The following ITK variants were observed in gnomAD, a reference collection of about 807,000 sequenced individuals.
ITK encodes tyrosine-protein kinase ITK/TSK.
ITK carries 45 observed loss-of-function variants against 87.6 expected under a neutral mutation model. The observed-to-expected ratio is 0.51, with a 90% CI of 0.40 to 0.66. The LOEUF is 0.66. Ranked by LOEUF, ITK falls within the 30% of genes least tolerant of loss-of-function variation. The pLI is 0.00. For missense variants in ITK, 605 were observed against 766.3 expected (o/e 0.79, Z 2.48); for synonymous variants, 303 against 273.6 (o/e 1.11, Z -1.06).
At chr5:157,240,601 G>C in intron 10 of ITK, 1 of 272,674 alleles carries the variant, frequency 3.7e-6, no homozygotes, top group East Asian at 9.0e-5. Context: ...GGTTTAATTG[G>C]TCCATGGTTG....
intron 1 of ITK, among the ~76,000 whole-genome samples, chr5:157,196,325 A>G (rs1753854870): frequency 6.6e-6 from 1 of 152,196 alleles, no homozygotes; most frequent in Admixed American, 6.5e-5. Context: ...AAAACCTCAC[A>G]AACACCATTA....
At chr5:157,248,794 T>G (rs561017028) in intron 15 of ITK, 56 bp from the exon 16 acceptor site, 56 of 1,606,576 alleles carry the variant, frequency 3.5e-5, no homozygotes, top group African/African-American at 1.9e-4. Context: ...CAGGTTGGTT[T>G]GTTTGCTGTC....
In ITK at chr5:157,222,601, T is replaced by C. The variant is rs78812469; in HGVS notation, c.496-262T>C. On this transcript the variant is annotated intron_variant, in intron 5 of 16. Coordinates refer to ENST00000422843, the MANE Select transcript of ITK (RefSeq NM_005546.4). Reference sequence around the variant, plus strand: ...AGAGAGGCTGCTGCATATAACATAGTGCAGATAGAGAAACCAGCAGACTTT... The same window carrying C: ...AGAGAGGCTGCTGCATATAACATAGCGCAGATAGAGAAACCAGCAGACTTT... 161 of 508,810 alleles carry C rather than the reference T, an allele frequency of 3.2e-4. 1 individual carries two copies. The East Asian group carries it at 5.6e-3, about 18-fold the overall frequency. 31.5% of individuals were successfully genotyped at this position (508,810 alleles called of 1,614,324 possible).
chr5:157,247,071 G>C (rs1755032693), intron 15 of ITK, among the ~76,000 whole-genome samples: 1 of 152,186 alleles, frequency 6.6e-6, no homozygotes, highest in East Asian at 1.9e-4. Flanking sequence ...ACTACTTGAA[G>C]ATTGATTTTT....
chr5:157,201,441 A>G (rs1753973169), intron 1 of ITK, among the ~76,000 whole-genome samples: 2 of 151,768 alleles, frequency 1.3e-5, no homozygotes, highest in South Asian at 4.2e-4. Flanking sequence ...GGGATTACAG[A>G]TGCGTACCAC....
At chr5:157,186,964 C>T (rs1580872421) in intron 1 of ITK, among the ~76,000 whole-genome samples, 1 of 152,240 alleles carries the variant, frequency 6.6e-6, no homozygotes, top group African/African-American at 2.4e-5. Flanking sequence ...CGGCTCTCCC[C>T]ATTGCCCTAA....
At chr5:157,241,281 A>G (rs944291317) in intron 10 of ITK, 1 of 172,834 alleles carries the variant, frequency 5.8e-6, no homozygotes, top group East Asian at 1.7e-4. Context: ...ACAAACATCC[A>G]AACTATATCA....
chr5:157,248,836 A>G lies in ITK; in HGVS notation c.1634-14A>G. 1 of 1,613,904 alleles carries G rather than the reference A, an allele frequency of 6.2e-7. No homozygotes were observed. ...CTTTGTCATTCACTGTGCTGTGCTC[A>G]CCATTTCTTGTAGGTGTGCTGATGT... On this transcript the variant is annotated splice_polypyrimidine_tract_variant and intron_variant, in intron 15 of 16. Coordinates refer to ENST00000422843, the MANE Select transcript of ITK (RefSeq NM_005546.4).
chr5:157,240,164 T>C lies in ITK; in HGVS notation c.954T>C (p.Leu318=), dbSNP rs751812748. ...AEKYVFDSIP[L]LINYHQHNGG... Reference sequence around the variant, plus strand: ...AGTATGTGTTCGATTCCATCCCTCTTCTCATCAACTATCACCAACATAATG... The same window carrying C: ...AGTATGTGTTCGATTCCATCCCTCTCCTCATCAACTATCACCAACATAATG... The change falls in exon 10 of 17, where the codon CTT becomes CTC. Residue 318 remains leucine (L), a synonymous_variant. Coordinates refer to ENST00000422843, the MANE Select transcript of ITK (RefSeq NM_005546.4). 1 of 1,614,120 alleles carries C rather than the reference T, an allele frequency of 6.2e-7. No homozygotes were observed. Among genetic ancestry groups the C allele is most frequent in the Admixed American group, 1.7e-5 (1 of 60,020 alleles).
In ITK at chr5:157,238,127, A is replaced by T; in HGVS notation, c.787A>T (p.Met263Leu). ...LLDTGKEGAF[M>L]VRDSRTAGTY... The stretch of plus-strand genomic sequence containing the variant: ...ATTCCAGGGCAAAGAAGGAGCCTTC[A>T]TGGTAAGGGATTCCAGGACTGCAGG... The change falls in exon 9 of 17, where the codon ATG (methionine) becomes TTG (leucine). Residue 263 changes from methionine to leucine, a missense_variant. By Grantham distance (15) the Met-to-Leu change is conservative. This residue lies in a region of ITK where 464 missense variants were observed against 578.0 expected (regional missense o/e 0.80). Transcript: ENST00000422843. The T allele has an allele frequency of 1.2e-6, 2 of 1,613,776 alleles. No homozygotes were observed. Among genetic ancestry groups the T allele is most frequent in the Non-Finnish European group, 1.7e-6 (2 of 1,179,692 alleles).
intron 15 of ITK, among the ~76,000 whole-genome samples, chr5:157,247,967 T>C (rs550586321): frequency 1.4e-4 from 22 of 152,350 alleles, no homozygotes; most frequent in African/African-American, 5.3e-4. Context: ...CTTGGGGTGA[T>C]AAGCATTCTT....
intron 1 of ITK, among the ~76,000 whole-genome samples, chr5:157,183,474 A>C (rs1432245547): frequency 2.0e-5 from 3 of 152,240 alleles, no homozygotes; most frequent in African/African-American, 7.2e-5. Flanking sequence ...AGTTTCAAAC[A>C]ATTCAACTTA....
Position 157,241,628 on chromosome 5 carries a change from G to A in ITK, c.986-18G>A, listed in dbSNP as rs754346022. 2 of 1,605,592 alleles carry A rather than the reference G, an allele frequency of 1.2e-6. No homozygotes were observed. Among genetic ancestry groups the A allele is most frequent in the East Asian group, 2.2e-5 (1 of 44,826 alleles). ...GCAAAGCCCTAACCACTGCTTCTTG[G>A]CTTTTCAATCAACCCAGGCCTGGTG... On this transcript the variant is annotated intron_variant, in intron 10 of 16. Transcript: ENST00000422843.
chr5:157,229,358 A>G (rs1213956577), intron 7 of ITK, among the ~76,000 whole-genome samples: 1 of 152,192 alleles, frequency 6.6e-6, no homozygotes, highest in African/African-American at 2.4e-5. Context: ...GAAACAGTCA[A>G]TCCAAATGCA....
intron 6 of ITK, among the ~76,000 whole-genome samples, chr5:157,224,860 T>A (rs1754500383): frequency 1.3e-5 from 2 of 152,194 alleles, no homozygotes; most frequent in Admixed American, 1.3e-4. Flanking sequence ...TCCTTTATGG[T>A]GAGACATTTA....
rs776618447 is a variant in ITK, at chr5:157,222,974, A to G, written c.607A>G (p.Ser203Gly). Residue 203 changes from serine (S) to glycine (G), a missense_variant, in exon 6 of 17, where the codon AGT becomes GGT. This residue lies in a region of ITK where 464 missense variants were observed against 578.0 expected (regional missense o/e 0.80). Coordinates refer to ENST00000422843, the MANE Select transcript of ITK (RefSeq NM_005546.4). Reference protein sequence around the residue: ...RRNEEYCLLDSSEIHWWRVQD... With the variant: ...RRNEEYCLLDGSEIHWWRVQD... Reference sequence around the variant, plus strand: ...CAACGAAGAGTACTGCCTGCTGGACAGTTCTGAGATTCACTGGTGGAGAGT... The same window carrying G: ...CAACGAAGAGTACTGCCTGCTGGACGGTTCTGAGATTCACTGGTGGAGAGT... 2.5e-6 allele frequency: 4 copies of G among 1,614,150 alleles called. No homozygotes were observed. The highest frequency in any genetic ancestry group is 2.5e-6 in the Non-Finnish European group (3 of 1,180,020).
At chr5:157,243,858 A>G in intron 12 of ITK, 64 bp downstream of exon 12, 1 of 1,503,510 alleles carries the variant, frequency 6.7e-7, no homozygotes, top group Non-Finnish European at 9.3e-7. Context: ...TGTTCTTGAA[A>G]TGCCATTCAA....
intron 1 of ITK, among the ~76,000 whole-genome samples, chr5:157,201,042 T>A (rs1300574516): frequency 6.6e-6 from 1 of 152,124 alleles, no homozygotes; most frequent in Non-Finnish European, 1.5e-5. Flanking sequence ...AAATGCAATG[T>A]TGGCTCACTA....
At position 157,180,969 on chromosome 5, in the gene ITK, A is replaced by T; in HGVS notation, c.-9A>T. The T allele has an allele frequency of 6.2e-7, 1 of 1,613,796 alleles. No individual in the cohort carries two copies. ...TGCCCAAGGTGCACCACCTTTCAAG[A>T]ACTGGATCATGAACAACTTTATCCT... On this transcript the variant is annotated 5_prime_UTR_variant, in exon 1 of 17. Transcript: ENST00000422843.
Sources: gnomAD v4.1 joint callset for allele counts (sites outside exome capture counted in the v4.1 genomes callset) on GRCh38, gnomAD v4.1.1 for gene constraint, gnomAD v4.1.1 regional missense constraint, MANE v1.5 for transcripts, NCBI Gene and HGNC (gene_info 2026-07-23, HGNC 2026-07-21) for gene names.